The following HIBCH variants were observed in gnomAD, a reference collection of about 807,000 sequenced individuals.
The protein encoded by HIBCH is 3-hydroxyisobutyryl-CoA hydrolase.
Under a neutral mutation model 58.2 loss-of-function variants are expected in HIBCH, and 50 were observed. The ratio of observed to expected loss-of-function variants is 0.86; its 90% CI spans 0.68 to 1.09. HIBCH has a LOEUF of 1.09. Ranked by LOEUF, HIBCH falls within the 50% of genes least tolerant of loss-of-function variation. The pLI is 0.00. For synonymous variants in HIBCH, 151 were observed against 146.9 expected (o/e 1.03, Z -0.20); for missense variants, 450 against 449.7 (o/e 1.00, Z -0.01).
chr2:190,293,430 GCAA>G (rs1688005779), intron 4 of HIBCH, among the ~76,000 whole-genome samples: 1 of 150,734 alleles, frequency 6.6e-6, no homozygotes, highest in African/African-American at 2.4e-5. Flanking sequence ...TCCAGCCTGC[GCAA>G]CAAGAGCGAA....
chr2:190,262,806 CTGA>C (rs1221923016), intron 6 of HIBCH, among the ~76,000 whole-genome samples: 2 of 152,030 alleles, frequency 1.3e-5, no homozygotes, highest in African/African-American at 4.8e-5. Context: ...TTAGCATTGG[CTGA>C]TAATAGTGAA....
At chr2:190,228,335 G>C (rs1452918096) in intron 11 of HIBCH, among the ~76,000 whole-genome samples, 1 of 150,414 alleles carries the variant, frequency 6.6e-6, no homozygotes, top group Non-Finnish European at 1.5e-5. Flanking sequence ...CTCACTCATA[G>C]GTGGGAATTG....
At chr2:190,288,156 CTTT>C (rs369704911) in intron 5 of HIBCH, among the ~76,000 whole-genome samples, 7 of 141,656 alleles carry the variant, frequency 4.9e-5, no homozygotes, top group African/African-American at 1.3e-4. Flanking sequence ...AAGACCCTAT[CTTT>C]TTTTTTTTTT....
chr2:190,264,116 G>A (rs2582762), intron 6 of HIBCH, among the ~76,000 whole-genome samples: 42,367 of 151,666 alleles, frequency 0.28, 6,433 homozygotes, highest in East Asian at 0.45. Flanking sequence ...TCATTCTCCC[G>A]CCCAGAAGTC....
intron 9 of HIBCH, among the ~76,000 whole-genome samples, chr2:190,247,077 G>A (rs1686629935): frequency 6.6e-6 from 1 of 151,610 alleles, no homozygotes; most frequent in African/African-American, 2.4e-5. Flanking sequence ...TAGCACTTTG[G>A]GTTAAAACAC....
At chr2:190,286,507 T>C (rs189888934) in intron 6 of HIBCH, among the ~76,000 whole-genome samples, 6 of 152,212 alleles carry the variant, frequency 3.9e-5, no homozygotes, top group African/African-American at 1.4e-4. Flanking sequence ...AGACATTACT[T>C]TTTCTCTCCT....
At chr2:190,245,183 T>C in intron 10 of HIBCH, 1 of 510,132 alleles carries the variant, frequency 2.0e-6, no homozygotes, top group South Asian at 2.3e-5. Context: ...CTAAATTTTA[T>C]TTTTTCTTTT....
chr2:190,278,964 G>A (rs769832056), intron 6 of HIBCH, among the ~76,000 whole-genome samples: 5 of 152,180 alleles, frequency 3.3e-5, no homozygotes, highest in Admixed American at 1.3e-4. Context: ...TAAGTTTTCT[G>A]TTGCTGTAAC....
chr2:190,315,605 G>T lies in HIBCH; in HGVS notation c.35+4111C>A, dbSNP rs1392924880. On this transcript the variant is annotated intron_variant, in intron 1 of 13. Transcript: ENST00000359678. This position sits in a 1 kb window ranked among gnomAD's most constrained non-coding sequence, Gnocchi z 5.4. Reference sequence around the variant, plus strand: ...CAACTACATGAAACTGCTTAAGCAGGAAGAAGACATCACAAAGTAGTGCTT... The same window carrying T: ...CAACTACATGAAACTGCTTAAGCAGTAAGAAGACATCACAAAGTAGTGCTT... 1.3e-5 allele frequency among the ~76,000 whole-genome samples: 2 copies of T among 152,224 alleles called. No individual in the cohort carries two copies. The highest frequency in any genetic ancestry group is 6.5e-5 in the Admixed American group (1 of 15,288).
chr2:190,303,378 AAGAT>A (rs1688319116), intron 2 of HIBCH, among the ~76,000 whole-genome samples: 1 of 151,998 alleles, frequency 6.6e-6, no homozygotes. Flanking sequence ...TTCCAGCACT[AAGAT>A]AGGGAAAACA....
At chr2:190,195,434 T>G (rs1416757629) in intron 1 of HIBCH, among the ~76,000 whole-genome samples, 1 of 152,248 alleles carries the variant, frequency 6.6e-6, no homozygotes, top group Non-Finnish European at 1.5e-5. Context: ...TTTTGCATTC[T>G]CACCAACAGT....
At chr2:190,232,890 G>A (rs939849989) in intron 11 of HIBCH, among the ~76,000 whole-genome samples, 11 of 152,000 alleles carry the variant, frequency 7.2e-5, no homozygotes, top group African/African-American at 7.2e-5. Flanking sequence ...CCCGGGAGGC[G>A]GAGCTTGCAG....
At chr2:190,292,121 T>G (rs1445362895) in intron 4 of HIBCH, among the ~76,000 whole-genome samples, 1 of 151,732 alleles carries the variant, frequency 6.6e-6, no homozygotes, top group Non-Finnish European at 1.5e-5. Flanking sequence ...TAGTTGGGAT[T>G]ACAGGCATGT....
At chr2:190,229,969 ATGGT>A (rs1686044873) in intron 11 of HIBCH, among the ~76,000 whole-genome samples, 1 of 152,174 alleles carries the variant, frequency 6.6e-6, no homozygotes, top group Non-Finnish European at 1.5e-5. Flanking sequence ...ATTCTGCATT[ATGGT>A]TGGTTACTGT....
chr2:190,195,940 G>GCTTT (rs1553490717), intron 1 of HIBCH, among the ~76,000 whole-genome samples: 13 of 34,388 alleles, frequency 3.8e-4, no homozygotes, highest in South Asian at 1.5e-3. Flanking sequence ...ACTGTGTCCA[G>GCTTT]CTTTTTTTTT....
intron 11 of HIBCH, among the ~76,000 whole-genome samples, chr2:190,227,999 C>A (rs1358470092): frequency 6.6e-6 from 1 of 152,152 alleles, no homozygotes; most frequent in East Asian, 1.9e-4. Flanking sequence ...GTGGCAATTC[C>A]TCAAGGATCT....
chr2:190,294,810 C>CCCA (rs1688062856), intron 3 of HIBCH, among the ~76,000 whole-genome samples, 180 bp from the exon 4 acceptor site: 1 of 152,086 alleles, frequency 6.6e-6, no homozygotes, highest in African/African-American at 2.4e-5. Context: ...ATCAAATGAA[C>CCCA]TTCATATGCT....
At chr2:190,296,975 T>C (rs1246317713) in intron 2 of HIBCH, 22 bp from the exon 3 acceptor site, 1 of 1,612,632 alleles carries the variant, frequency 6.2e-7, no homozygotes, top group Non-Finnish European at 8.5e-7. Context: ...AAGAATAACT[T>C]TATGACAAAA....
chr2:190,218,222 A>G (rs1490455709), intron 11 of HIBCH, among the ~76,000 whole-genome samples: 1 of 152,120 alleles, frequency 6.6e-6, no homozygotes, highest in Non-Finnish European at 1.5e-5. Flanking sequence ...TCTCAAAAAA[A>G]TCTCTGTGCT....
Sources: gnomAD v4.1 joint callset for allele counts (sites outside exome capture counted in the v4.1 genomes callset) on GRCh38, gnomAD v4.1.1 for gene constraint, Gnocchi (gnomAD v3.1) non-coding constraint, MANE v1.5 for transcripts, NCBI Gene and HGNC (gene_info 2026-07-23, HGNC 2026-07-21) for gene names.